Variants in BLK observed in about 807,000 individuals in gnomAD.
The protein encoded by BLK is BLK proto-oncogene, Src family tyrosine kinase, also known as tyrosine-protein kinase Blk.
BLK carries 64 observed loss-of-function variants against 61.8 expected under a neutral mutation model. The ratio of observed to expected loss-of-function variants is 1.03; its 90% CI spans 0.85 to 1.27. The LOEUF is 1.27. BLK is among the 50% of genes most tolerant of loss of function. BLK has a pLI of 0.00. For synonymous variants in BLK, 351 were observed against 272.0 expected (o/e 1.29, Z -2.86); for missense variants, 853 against 660.5 (o/e 1.29, Z -3.19).
intron 11 of BLK, among the ~76,000 whole-genome samples, chr8:11,562,232 G>A (rs548293309): frequency 5.3e-5 from 8 of 152,154 alleles, no homozygotes; most frequent in South Asian, 2.1e-4. Context: ...GGGTGTCCAC[G>A]GAGCACTGTT....
At chr8:11,554,320 C>T (rs927485660) in intron 6 of BLK, 15 of 257,166 alleles carry the variant, frequency 5.8e-5, no homozygotes, top group African/African-American at 3.3e-4. Flanking sequence ...CTGTGAATGG[C>T]TATCTGCTTG....
intron 1 of BLK, among the ~76,000 whole-genome samples, chr8:11,523,554 A>G (rs1430730024): frequency 6.6e-6 from 1 of 152,256 alleles, no homozygotes; most frequent in Non-Finnish European, 1.5e-5. Context: ...CTCCATCTCA[A>G]AACAAACAAA....
intron 1 of BLK, among the ~76,000 whole-genome samples, chr8:11,521,462 T>C (rs1799443294): frequency 6.6e-6 from 1 of 152,126 alleles, no homozygotes; most frequent in Non-Finnish European, 1.5e-5. Flanking sequence ...AGCTAATTCT[T>C]CTAATTTTTG....
At chr8:11,559,301 ACT>A (rs1241855707) in intron 10 of BLK, among the ~76,000 whole-genome samples, 4 of 148,642 alleles carry the variant, frequency 2.7e-5, no homozygotes, top group Admixed American at 6.9e-5. Context: ...ACACACACAC[ACT>A]CTCACACACA....
intron 8 of BLK, 182 bp from the exon 9 acceptor site, chr8:11,556,476 A>G: frequency 1.4e-6 from 1 of 714,838 alleles, no homozygotes; most frequent in East Asian, 2.8e-5. Flanking sequence ...CTGAGGCCCC[A>G]TATAGAAGGG....
chr8:11,514,493 G>C (rs1423442859), intron 1 of BLK, among the ~76,000 whole-genome samples: 1 of 152,244 alleles, frequency 6.6e-6, no homozygotes, highest in African/African-American at 2.4e-5. Flanking sequence ...GCACAGTGGA[G>C]GACCCTTCTT....
intron 1 of BLK, among the ~76,000 whole-genome samples, chr8:11,533,158 C>T (rs1799960357): frequency 6.6e-6 from 1 of 152,194 alleles, no homozygotes; most frequent in Non-Finnish European, 1.5e-5. Flanking sequence ...TAAATCTCTG[C>T]CTCTCTAGCA....
At chr8:11,558,085 C>G in intron 10 of BLK, 47 bp downstream of exon 10, 1 of 1,588,120 alleles carries the variant, frequency 6.3e-7, no homozygotes, top group African/African-American at 1.3e-5. Flanking sequence ...GTGCCACCTG[C>G]TGCCCACAAT....
At chr8:11,546,320 A>G (rs1800639965) in intron 3 of BLK, among the ~76,000 whole-genome samples, 1 of 152,194 alleles carries the variant, frequency 6.6e-6, no homozygotes, top group Admixed American at 6.5e-5. Flanking sequence ...TGGGACTTTT[A>G]AAACATGAAA....
At position 11,558,811 on chromosome 8, in the gene BLK, G is replaced by A. The variant is rs187829936; in HGVS notation, c.1029+773G>A. The A allele has an allele frequency of 1.2e-4, 56 of 455,678 alleles. 1 individual carries two copies. The highest frequency in any genetic ancestry group is 2.0e-4 in the Non-Finnish European group (45 of 226,634). 28.2% of individuals were successfully genotyped at this position (455,678 alleles called of 1,614,324 possible). A position where few individuals can be genotyped will look rare whatever the true frequency, so the allele number is the denominator to read the frequency against. On this transcript the variant is annotated intron_variant, in intron 10 of 12. Transcript: ENST00000259089. ...TGTGGTCAGCCTGTGAGGCACACAC[G>A]TGCGTACACATACACACACACATAC...
At chr8:11,542,521 A>G (rs17153437) in intron 1 of BLK, among the ~76,000 whole-genome samples, 3,078 of 152,254 alleles carry the variant, frequency 0.02, 102 homozygotes, top group African/African-American at 0.07. Flanking sequence ...ACATATAAAT[A>G]GCAGCCCCTG....
chr8:11,555,125 G>C (rs1462764506), intron 7 of BLK, among the ~76,000 whole-genome samples: 1 of 152,146 alleles, frequency 6.6e-6, no homozygotes, highest in African/African-American at 2.4e-5. Context: ...CTTAGAGTGA[G>C]CAGGTCGATT....
chr8:11,506,268 C>G (rs1798766179), intron 1 of BLK, among the ~76,000 whole-genome samples: 1 of 152,170 alleles, frequency 6.6e-6, no homozygotes, highest in South Asian at 2.1e-4. Flanking sequence ...TAGGGGAGGA[C>G]AATGCCAGGG....
chr8:11,561,768 A>G (rs1801514686), intron 11 of BLK, among the ~76,000 whole-genome samples: 1 of 152,156 alleles, frequency 6.6e-6, no homozygotes, highest in African/African-American at 2.4e-5. Context: ...TGCAGCAAAG[A>G]AACAGTTTAT....
intron 1 of BLK, among the ~76,000 whole-genome samples, chr8:11,530,119 G>T (rs1373546248): frequency 1.3e-5 from 2 of 152,196 alleles, no homozygotes; most frequent in Non-Finnish European, 2.9e-5. Flanking sequence ...ATAAAGTGCA[G>T]CAAGAATAAT....
At chr8:11,547,979 A>T in intron 3 of BLK, 53 bp from the exon 4 acceptor site, 2 of 1,509,896 alleles carry the variant, frequency 1.3e-6, no homozygotes, top group Non-Finnish European at 1.8e-6. Context: ...CCCCAGCCCC[A>T]CCTTCCCGCT....
Position 11,556,703 on chromosome 8 carries a change from A to C in BLK, c.818A>C (p.Glu273Ala). The C allele has an allele frequency of 6.2e-7, 1 of 1,614,180 alleles. No homozygotes were observed. Among genetic ancestry groups the C allele is most frequent in the Non-Finnish European group, 8.5e-7 (1 of 1,180,034 alleles). Residue 273 changes from glutamate to alanine, a missense_variant, in exon 9 of 13, where the codon GAG (glutamate) becomes GCG (alanine). Glu to Ala is a moderately radical substitution (Grantham distance 107, BLOSUM62 -1). Transcript: ENST00000259089. Reference sequence around the variant, plus strand: ...AAGGTGGCCATTAAGACGCTGAAGGAGGGAACCATGTCTCCAGAAGCCTTT... The same window carrying C: ...AAGGTGGCCATTAAGACGCTGAAGGCGGGAACCATGTCTCCAGAAGCCTTT... The part of the protein sequence containing the change: ...NMKVAIKTLK[E>A]GTMSPEAFLG...
chr8:11,527,281 C>T (rs1026467505), intron 1 of BLK, among the ~76,000 whole-genome samples: 2 of 152,170 alleles, frequency 1.3e-5, no homozygotes, highest in Non-Finnish European at 2.9e-5. Flanking sequence ...ACAAAATTCA[C>T]CCATTTGGGG....
intron 1 of BLK, among the ~76,000 whole-genome samples, chr8:11,535,286 A>AAG (rs1294532702): frequency 6.9e-6 from 1 of 144,614 alleles, no homozygotes; most frequent in African/African-American, 2.5e-5. Context: ...GAAAGAAAGA[A>AAG]AGAAAGAAAG....
Sources: gnomAD v4.1 joint callset for allele counts (sites outside exome capture counted in the v4.1 genomes callset) on GRCh38, gnomAD v4.1.1 for gene constraint, MANE v1.5 for transcripts, NCBI Gene and HGNC (gene_info 2026-07-23, HGNC 2026-07-21) for gene names.